Variants in DNAH17 observed in about 807,000 individuals in gnomAD.
The protein encoded by DNAH17 is axonemal beta dynein heavy chain 17.
Under a neutral mutation model 485.6 loss-of-function variants are expected in DNAH17, and 376 were observed. The observed-to-expected ratio is 0.77, with a 90% confidence interval of 0.71 to 0.84. The LOEUF (loss-of-function observed/expected upper bound fraction) is 0.84. DNAH17 is among the 40% of genes least tolerant of loss of function. The probability of loss-of-function intolerance (pLI) is 0.00; values close to 1 mark genes in which losing one functional copy is unlikely to be tolerated. For missense variants in DNAH17, 6,370 were observed against 5,839.3 expected (o/e 1.09, Z -2.96); for synonymous variants, 3,031 against 2,405.9 (o/e 1.26, Z -7.60).
At chr17:78,521,129 G>A (rs769455616) in intron 25 of DNAH17, among the ~76,000 whole-genome samples, 12 of 152,260 alleles carry the variant, frequency 7.9e-5, no homozygotes, top group Non-Finnish European at 1.6e-4. Context: ...AGCGGGGCCA[G>A]GCGCTGTGGC....
rs774300104 is a variant in DNAH17 at position 78,574,745 on chromosome 17, G to A, written c.313C>T (p.Pro105Ser). ...RLLYGDISPT[P>S]VDQLIAVVEE... ...ACCACCGCGATCAGCTGGTCCACGG[G>A]TGTGGGGCTGATGTCGCCGTAAAGG... is the stretch of plus-strand genomic sequence containing the variant. Residue 105 changes from proline (P) to serine (S), a missense_variant, in exon 2 of 81, where the codon CCC becomes TCC. Physicochemically the swap from Pro to Ser is moderately conservative, Grantham distance 74. Transcript: ENST00000389840. The A allele has an allele frequency of 4.3e-6, 7 of 1,613,186 alleles. No individual in the cohort carries two copies. Among genetic ancestry groups the A allele is most frequent in the Non-Finnish European group, 5.9e-6 (7 of 1,179,378 alleles).
intron 3 of DNAH17, among the ~76,000 whole-genome samples, chr17:78,572,263 G>A (rs917311177): frequency 9.2e-5 from 10 of 108,868 alleles, no homozygotes; most frequent in African/African-American, 4.2e-4. Context: ...GCTTCCCAGG[G>A]CCTCTGGGGG....
intron 76 of DNAH17, 21 bp downstream of exon 76, chr17:78,429,100 T>G: frequency 1.2e-6 from 2 of 1,607,914 alleles, no homozygotes; most frequent in Non-Finnish European, 1.7e-6. Context: ...GTTGAGCTCC[T>G]GTTTAACTTG....
At chr17:78,534,702 T>C (rs912613625) in intron 19 of DNAH17, among the ~76,000 whole-genome samples, 6 of 152,216 alleles carry the variant, frequency 3.9e-5, no homozygotes, top group African/African-American at 7.2e-5. Flanking sequence ...CAAGTTCCAG[T>C]TGGGCTGGGC....
chr17:78,483,709 C>T (rs2089453364), intron 48 of DNAH17, among the ~76,000 whole-genome samples: 1 of 152,098 alleles, frequency 6.6e-6, no homozygotes, highest in South Asian at 2.1e-4. Context: ...ACTACCTAAC[C>T]CCCCATGCCT....
intron 71 of DNAH17, among the ~76,000 whole-genome samples, chr17:78,441,674 C>G (rs2087081520): frequency 6.6e-6 from 1 of 152,204 alleles, no homozygotes; most frequent in South Asian, 2.1e-4. Flanking sequence ...TCGGCTAATC[C>G]TCCCATGGAG....
In DNAH17 at chr17:78,530,471, G is replaced by T; in HGVS notation, c.3156C>A (p.Cys1052Ter). ...AGCCGTGGAACACCTTGGTGTTCTC[G>T]CACTTGGACACCTCCTCATACAGCT... is the stretch of plus-strand genomic sequence containing the variant. Reference protein sequence around the residue: ...YEKLYEEVSKCENTKVFHGWL... With the variant: ...YEKLYEEVSK The change falls in exon 21 of 81, where the codon TGC (cysteine) becomes TGA (stop). Residue 1052 changes from cysteine (C) to a stop codon, truncating the protein, a stop_gained. Coordinates refer to ENST00000389840, the MANE Select transcript of DNAH17 (RefSeq NM_173628.4). LOFTEE classifies it high-confidence loss of function. The T allele has an allele frequency of 1.2e-6, 2 of 1,612,758 alleles. No homozygotes were observed. The highest frequency in any genetic ancestry group is 1.7e-6 in the Non-Finnish European group (2 of 1,179,258).
chr17:78,551,501 C>T (rs915833860), intron 16 of DNAH17, 34 bp downstream of exon 16: 3 of 1,605,508 alleles, frequency 1.9e-6, no homozygotes, highest in African/African-American at 1.3e-5. Flanking sequence ...CAGGCCCCCA[C>T]AAAGCCCCAC....
chr17:78,425,424 C>CGACA lies in DNAH17; in HGVS notation c.13059_13062dup (p.Glu4355CysfsTer40). On this transcript the variant is annotated frameshift_variant, in exon 80 of 81. Transcript: ENST00000389840. LOFTEE classifies it high-confidence loss of function. The stretch of plus-strand genomic sequence containing the variant: ...TCCTCTCGGTTTTTCTTGGTCACCT[C>CGACA]GACAGACAGACACATCTTGTCCAGG... 1 of 1,613,972 alleles carries CGACA rather than the reference C, an allele frequency of 6.2e-7. No homozygotes were observed. The highest frequency in any genetic ancestry group is 8.5e-7 in the Non-Finnish European group (1 of 1,179,882).
At chr17:78,526,784 T>TA in intron 23 of DNAH17, 47 bp from the exon 24 acceptor site, 1 of 1,562,760 alleles carries the variant, frequency 6.4e-7, no homozygotes. Flanking sequence ...GGCGGCCACC[T>TA]GCCCCAAGGG....
At chr17:78,449,329 C>T in intron 69 of DNAH17, 85 bp downstream of exon 69, 3 of 1,410,980 alleles carry the variant, frequency 2.1e-6, no homozygotes, top group East Asian at 5.1e-5. Flanking sequence ...GGGGGCCCAA[C>T]AATCTGCCTT....
chr17:78,458,487 C>T, intron 62 of DNAH17, 78 bp downstream of exon 62: 1 of 1,271,616 alleles, frequency 7.9e-7, no homozygotes. Flanking sequence ...CCTCCTCTTC[C>T]TCCCAAGGCA....
chr17:78,472,272 A>G (rs641989), intron 54 of DNAH17, among the ~76,000 whole-genome samples: 13,411 of 104,236 alleles, frequency 0.13, 1,258 homozygotes, highest in African/African-American at 0.31. Context: ...GTTAGGGAGT[A>G]GGGGTGCGAG....
At chr17:78,435,336 G>A (rs8075420) in intron 74 of DNAH17, among the ~76,000 whole-genome samples, 97,733 of 151,976 alleles carry the variant, frequency 0.64, 33,455 homozygotes, top group East Asian at 0.87. Flanking sequence ...CTGGGGCATC[G>A]TGGACATACA....
intron 11 of DNAH17, among the ~76,000 whole-genome samples, chr17:78,562,218 A>G (rs1030949053): frequency 9.9e-5 from 15 of 152,228 alleles, no homozygotes; most frequent in East Asian, 1.9e-4. Context: ...CACAGTACAA[A>G]TAAGTCCAAG....
intron 68 of DNAH17, 46 bp downstream of exon 68, chr17:78,450,208 C>A (rs1224046947): frequency 1.2e-6 from 2 of 1,607,048 alleles, no homozygotes; most frequent in Non-Finnish European, 1.7e-6. Flanking sequence ...AGCCCAGATG[C>A]AGCCCCACCT....
intron 54 of DNAH17, among the ~76,000 whole-genome samples, chr17:78,471,366 C>T (rs1026439440): frequency 6.6e-5 from 10 of 152,186 alleles, no homozygotes; most frequent in Non-Finnish European, 1.5e-5. Context: ...GGACTTGAGC[C>T]AAGGCTATGT....
chr17:78,544,242 A>G (rs2091688159), intron 16 of DNAH17, among the ~76,000 whole-genome samples: 1 of 152,186 alleles, frequency 6.6e-6, no homozygotes, highest in Admixed American at 6.5e-5. Context: ...CCACAGAAAG[A>G]CCATTGAGAT....
rs370301040 is a variant in DNAH17, at chr17:78,460,202, G to T, written c.9395C>A (p.Ala3132Asp). The change falls in exon 59 of 81, where the codon GCC becomes GAC. Residue 3132 changes from alanine to aspartate, a missense_variant. Physicochemically the swap from Ala to Asp is moderately radical, Grantham distance 126. Transcript: ENST00000389840. ...CAGAGCCTCCTGGGCTGCCAGCAGG[G>T]CCGGTTCTGCTTTGGCCAGGTCTGT... The part of the protein sequence containing the change: ...CETDLAKAEP[A>D]LLAAQEALDT... The T allele has an allele frequency of 2.5e-6, 4 of 1,609,144 alleles. No homozygotes were observed. The highest frequency in any genetic ancestry group is 1.6e-4 in the Middle Eastern group (1 of 6,076).
Sources: allele counts gnomAD v4.1 joint callset (sites outside exome capture counted in the v4.1 genomes callset), GRCh38; gene constraint gnomAD v4.1.1; transcripts MANE v1.5; gene names NCBI Gene and HGNC (gene_info 2026-07-23, HGNC 2026-07-21).